UGCG: variants seen among roughly 807,000 people sequenced by gnomAD.
UGCG encodes UDP-glucose ceramide glucosyltransferase.
A neutral mutation model predicts 49.5 loss-of-function variants in UGCG; 10 were observed. The observed-to-expected ratio is 0.20, with a 90% CI of 0.12 to 0.34. UGCG has a LOEUF of 0.34. UGCG is among the 10% of genes least tolerant of loss of function. The probability of loss-of-function intolerance (pLI) is 1.00; values close to 1 mark genes in which losing one functional copy is unlikely to be tolerated. For synonymous variants in UGCG, 182 were observed against 158.2 expected (o/e 1.15, Z -1.13); for missense variants, 312 against 483.7 (o/e 0.65, Z 3.33).
chr9:111,910,239 G>C (rs1198863721), intron 1 of UGCG, among the ~76,000 whole-genome samples: 1 of 152,226 alleles, frequency 6.6e-6, no homozygotes, highest in East Asian at 1.9e-4. Context: ...CGTTGCTACT[G>C]TTTTTGATCT....
chr9:111,921,560 C>T (rs539600805), intron 2 of UGCG, among the ~76,000 whole-genome samples: 6 of 150,200 alleles, frequency 4.0e-5, no homozygotes, highest in African/African-American at 7.4e-5. Context: ...CTGAGGCAGG[C>T]GAATCGATTG....
rs374959497 is a variant in UGCG at position 111,922,829 on chromosome 9, A to G, written c.241-20A>G. ...TATTTTTTTAAAGAATTTAATTTACATACAATGCTTTTTGACTAGTATGAA... is the reference window on the plus strand; with the variant it reads ...TATTTTTTTAAAGAATTTAATTTACGTACAATGCTTTTTGACTAGTATGAA... On this transcript the variant is annotated intron_variant, in intron 2 of 8. Coordinates refer to ENST00000374279, the MANE Select transcript of UGCG (RefSeq NM_003358.3). 1.3e-6 allele frequency: 2 copies of G among 1,557,504 alleles called. No homozygotes were observed. Among genetic ancestry groups the G allele is most frequent in the Non-Finnish European group, 1.8e-6 (2 of 1,142,740 alleles).
chr9:111,903,231 A>G (rs536442661), intron 1 of UGCG, among the ~76,000 whole-genome samples: 38 of 152,316 alleles, frequency 2.5e-4, no homozygotes, highest in Admixed American at 8.5e-4. Context: ...CCCTCTTGCA[A>G]AAGCCAAATT....
At position 111,932,895 on chromosome 9, in the gene UGCG, A is replaced by G. The variant is rs1445499289; in HGVS notation, c.1083A>G (p.Ile361Met). 1 of 1,612,788 alleles carries G rather than the reference A, an allele frequency of 6.2e-7. No individual in the cohort carries two copies. The highest frequency in any genetic ancestry group is 1.7e-5 in the Admixed American group (1 of 59,910). ...VAWFIRESMT[I>M]YIFLSALWDP... ...GGTTCATCCGCGAATCCATGACAAT[A>G]TACATTTTTTTGTCTGCATTATGGG... The change falls in exon 9 of 9, where the codon ATA (isoleucine) becomes ATG (methionine). Residue 361 changes from isoleucine (I) to methionine (M), a missense_variant. This residue lies in a region of UGCG where 180 missense variants were observed against 320.4 expected (regional missense o/e 0.56). Transcript: ENST00000374279.
intron 2 of UGCG, among the ~76,000 whole-genome samples, chr9:111,919,084 A>C (rs1050303398): frequency 3.3e-5 from 5 of 152,180 alleles, no homozygotes; most frequent in African/African-American, 1.2e-4. Context: ...TATTTTTACA[A>C]AGTTTTCTCT....
intron 2 of UGCG, chr9:111,915,007 T>G (rs1053467139): frequency 5.7e-5 from 20 of 348,054 alleles, no homozygotes; most frequent in Middle Eastern, 8.7e-4. Flanking sequence ...TCAGACATTG[T>G]CAAGTGCCTG....
At chr9:111,904,647 G>A (rs562767285) in intron 1 of UGCG, among the ~76,000 whole-genome samples, 48 of 152,282 alleles carry the variant, frequency 3.2e-4, no homozygotes, top group African/African-American at 1.1e-3. Flanking sequence ...GATCACCTGA[G>A]GTCAGGAGTT....
chr9:111,907,898 G>A (rs928043501), intron 1 of UGCG, among the ~76,000 whole-genome samples: 1 of 152,118 alleles, frequency 6.6e-6, no homozygotes, highest in African/African-American at 2.4e-5. Context: ...CAAAGTGCTG[G>A]GATTACAGGC....
intron 2 of UGCG, among the ~76,000 whole-genome samples, chr9:111,918,812 C>T (rs907525697): frequency 1.2e-4 from 18 of 151,812 alleles, no homozygotes; most frequent in Admixed American, 5.2e-4. Flanking sequence ...GTAGTCCCAG[C>T]TACTCGGGAG....
At chr9:111,900,162 A>G (rs1303320659) in intron 1 of UGCG, among the ~76,000 whole-genome samples, 9 of 147,150 alleles carry the variant, frequency 6.1e-5, no homozygotes, top group Non-Finnish European at 1.2e-4. Context: ...GTGTGGCTTG[A>G]TAGGTTGGGG....
chr9:111,929,420 A>C, intron 5 of UGCG, 80 bp from the exon 6 acceptor site: 7 of 1,431,786 alleles, frequency 4.9e-6, no homozygotes, highest in South Asian at 1.4e-5. Context: ...TTATAAAAAA[A>C]CCATTGGGAA....
intron 1 of UGCG, among the ~76,000 whole-genome samples, chr9:111,898,394 G>GTT (rs536839365): frequency 0.019 from 2,764 of 144,986 alleles, 34 homozygotes; most frequent in Non-Finnish European, 0.03. Flanking sequence ...TAGTTTTTTG[G>GTT]TTTTTTTTTT....
rs1043586308 is a variant in UGCG at position 111,924,925 on chromosome 9, T to C, written c.445+47T>C. 4 of 1,172,444 alleles carry C rather than the reference T, an allele frequency of 3.4e-6. No homozygotes were observed. The African/African-American group carries it at 4.9e-5, about 14-fold the overall frequency. 72.6% of individuals were successfully genotyped at this position (1,172,444 alleles called of 1,614,324 possible). ...TTTTATAAAACTATTAATTTGAAGATAAAATGCTAAAAGCAATCTCAGATA... is the reference window on the plus strand; with the variant it reads ...TTTTATAAAACTATTAATTTGAAGACAAAATGCTAAAAGCAATCTCAGATA... On this transcript the variant is annotated intron_variant, in intron 4 of 8. Transcript: ENST00000374279.
At chr9:111,903,671 C>G (rs889416407) in intron 1 of UGCG, among the ~76,000 whole-genome samples, 1 of 152,200 alleles carries the variant, frequency 6.6e-6, no homozygotes, top group Non-Finnish European at 1.5e-5. Context: ...TCATGGCTCA[C>G]CACAGCCTTG....
At chr9:111,904,493 T>A (rs1413858348) in intron 1 of UGCG, among the ~76,000 whole-genome samples, 3 of 152,222 alleles carry the variant, frequency 2.0e-5, no homozygotes, top group African/African-American at 7.2e-5. Flanking sequence ...CTTAAATTAG[T>A]TTTTTCTTTT....
chr9:111,912,443 G>A (rs1220625982), intron 1 of UGCG, among the ~76,000 whole-genome samples: 1 of 152,052 alleles, frequency 6.6e-6, no homozygotes, highest in Non-Finnish European at 1.5e-5. Context: ...GCTGGGCATG[G>A]TGGTGCATGC....
chr9:111,927,926 T>C (rs1178037477), intron 5 of UGCG, among the ~76,000 whole-genome samples: 1 of 152,242 alleles, frequency 6.6e-6, no homozygotes, highest in Admixed American at 6.5e-5. Flanking sequence ...TAATAGCTTT[T>C]CATAAAAGTA....
chr9:111,909,301 T>A (rs1214399700), intron 1 of UGCG, among the ~76,000 whole-genome samples: 2 of 152,154 alleles, frequency 1.3e-5, no homozygotes, highest in Admixed American at 6.5e-5. Flanking sequence ...TGAAAAAAAA[T>A]CACTGGGATT....
intron 3 of UGCG, 84 bp from the exon 4 acceptor site, chr9:111,924,693 T>G: frequency 1.8e-6 from 1 of 544,194 alleles, no homozygotes; most frequent in South Asian, 3.4e-5. Flanking sequence ...ATGCAAGTAT[T>G]CTCATTTCTA....
Sources: allele counts gnomAD v4.1 joint callset (sites outside exome capture counted in the v4.1 genomes callset), GRCh38; gene constraint gnomAD v4.1.1; regional missense constraint gnomAD v4.1.1; transcripts MANE v1.5; gene names NCBI Gene and HGNC (gene_info 2026-07-23, HGNC 2026-07-21).